The following PROS1 variants were observed in gnomAD, a reference collection of about 807,000 sequenced individuals.
The protein encoded by PROS1 is protein S, also known as vitamin K-dependent protein S.
In PROS1, 29 loss-of-function variants were observed where a neutral mutation model predicts 75.9. That is an observed-to-expected ratio of 0.38 (90% CI 0.28 to 0.52). PROS1 has a LOEUF of 0.52. Ranked by LOEUF, PROS1 falls within the 20% of genes least tolerant of loss-of-function variation. The pLI is 0.83. For missense variants in PROS1, 680 were observed against 810.3 expected (o/e 0.84, Z 1.95); for synonymous variants, 245 against 280.6 (o/e 0.87, Z 1.27).
chr3:93,930,562 A>G (rs557838963), intron 1 of PROS1, among the ~76,000 whole-genome samples: 24 of 152,278 alleles, frequency 1.6e-4, no homozygotes, highest in African/African-American at 5.8e-4. Context: ...TAGGAGTTTG[A>G]TAGTGATTTT....
intron 1 of PROS1, among the ~76,000 whole-genome samples, chr3:93,936,794 T>C (rs1377188300): frequency 6.6e-6 from 1 of 152,226 alleles, no homozygotes. Flanking sequence ...TACAAAGTGA[T>C]GCTTATGGTT....
intron 1 of PROS1, among the ~76,000 whole-genome samples, chr3:93,950,710 G>A (rs1709482402): frequency 6.6e-6 from 1 of 152,220 alleles, no homozygotes; most frequent in Non-Finnish European, 1.5e-5. Flanking sequence ...ACCAAAGGTA[G>A]ATAAAACCAC....
intron 4 of PROS1, among the ~76,000 whole-genome samples, chr3:93,906,977 GCCTGCAGGCACCC>G (rs1322794900): frequency 1.3e-5 from 2 of 152,226 alleles, no homozygotes; most frequent in Non-Finnish European, 2.9e-5. Flanking sequence ...CTCAGTGCTG[GCCTGCAGGCACCC>G]CCTTGGCACA....
intron 9 of PROS1, 127 bp downstream of exon 9, chr3:93,896,449 G>A (rs1213192315): frequency 1.3e-5 from 10 of 766,100 alleles, no homozygotes; most frequent in Non-Finnish European, 2.1e-5. Context: ...CAAGTCATCT[G>A]ATTGGTAATA....
intron 1 of PROS1, among the ~76,000 whole-genome samples, chr3:93,933,199 A>T (rs1709132202): frequency 1.3e-5 from 2 of 152,180 alleles, no homozygotes; most frequent in Admixed American, 1.3e-4. Context: ...TCACTTTACA[A>T]ATATAGAGAA....
At chr3:93,956,562 AAACACACACACACACACAC>A (rs1709606376) in intron 1 of PROS1, among the ~76,000 whole-genome samples, 3 of 94,348 alleles carry the variant, frequency 3.2e-5, no homozygotes, top group African/African-American at 9.9e-5. Context: ...ACACACACAC[AAACACACACACACACACAC>A]ACACACACGT....
chr3:93,947,627 C>T (rs1204147153), intron 1 of PROS1, among the ~76,000 whole-genome samples: 10 of 151,976 alleles, frequency 6.6e-5, no homozygotes, highest in Non-Finnish European at 1.2e-4. Context: ...AGTGCAGTGG[C>T]GTGATCTCGG....
intron 1 of PROS1, among the ~76,000 whole-genome samples, chr3:93,952,122 C>T (rs1032625698): frequency 5.3e-5 from 8 of 152,140 alleles, no homozygotes; most frequent in African/African-American, 1.2e-4. Flanking sequence ...GACTCCCACA[C>T]AATAATAATG....
intron 1 of PROS1, among the ~76,000 whole-genome samples, chr3:93,950,050 G>C (rs113509931): frequency 6.6e-6 from 1 of 152,132 alleles, no homozygotes; most frequent in South Asian, 2.1e-4. Flanking sequence ...CCCATGGCTC[G>C]GAGGGTCCCA....
intron 3 of PROS1, 129 bp from the exon 4 acceptor site, chr3:93,910,834 T>C: frequency 7.8e-6 from 6 of 771,252 alleles, no homozygotes; most frequent in Non-Finnish European, 9.0e-6. Context: ...GTCTTCAAAA[T>C]GCAACACTAA....
Position 93,884,938 on chromosome 3 carries a change from T to G in PROS1, c.1324-42A>C, listed in dbSNP as rs766852916. ...CAAGTCAAGGAGTGCATTTTAAACT[T>G]AAACAGTGGCTCGATTATGAGTATA... On this transcript the variant is annotated intron_variant, in intron 11 of 14. Transcript: ENST00000394236. 7.1e-6 allele frequency: 11 copies of G among 1,542,292 alleles called. No homozygotes were observed. In the South Asian group the frequency reaches 9.2e-5, roughly 13 times the overall value.
chr3:93,950,037 C>CCGCCCATGGCTCGGAGGGTCCCA (rs1709467484), intron 1 of PROS1, among the ~76,000 whole-genome samples: 1 of 152,208 alleles, frequency 6.6e-6, no homozygotes. Context: ...AGATTATATC[C>CCGCCCATGGCTCGGAGGGTCCCA]CGCCCATGGC....
At chr3:93,969,788 C>T (rs1288356364) in intron 1 of PROS1, among the ~76,000 whole-genome samples, 1 of 151,892 alleles carries the variant, frequency 6.6e-6, no homozygotes, top group Non-Finnish European at 1.5e-5. Flanking sequence ...TTCCTTTTTT[C>T]TTTCCTTTAG....
chr3:93,908,767 A>G (rs1424903987), intron 4 of PROS1, among the ~76,000 whole-genome samples: 4 of 152,254 alleles, frequency 2.6e-5, no homozygotes, highest in African/African-American at 7.2e-5. Context: ...TTGCCTTAAC[A>G]GAGCTTAAAA....
intron 4 of PROS1, among the ~76,000 whole-genome samples, chr3:93,909,283 A>G (rs1352480007): frequency 6.6e-6 from 1 of 152,000 alleles, no homozygotes; most frequent in Non-Finnish European, 1.5e-5. Flanking sequence ...TATAAAAAAT[A>G]AATTAGCCAG....
intron 10 of PROS1, among the ~76,000 whole-genome samples, chr3:93,887,075 C>A (rs929943135): frequency 2.6e-5 from 4 of 151,612 alleles, no homozygotes; most frequent in East Asian, 1.9e-4. Context: ...CCCGCCACTG[C>A]GCCCGGCTAA....
At chr3:93,924,730 A>G (rs1174657699) in intron 2 of PROS1, among the ~76,000 whole-genome samples, 2 of 149,202 alleles carry the variant, frequency 1.3e-5, no homozygotes, top group African/African-American at 5.0e-5. Context: ...TGGTATGACC[A>G]TGACTCACTG....
chr3:93,880,619 G>A (rs978639143), intron 12 of PROS1, among the ~76,000 whole-genome samples: 1 of 152,114 alleles, frequency 6.6e-6, no homozygotes, highest in Non-Finnish European at 1.5e-5. Flanking sequence ...TGCATACAAT[G>A]TGTAATGCTC....
intron 1 of PROS1, 116 bp from the exon 2 acceptor site, chr3:93,927,523 A>G: frequency 8.3e-7 from 1 of 1,198,068 alleles, no homozygotes; most frequent in Non-Finnish European, 1.2e-6. Context: ...GACATTTAAA[A>G]TCAGTATGAT....
Sources: allele counts gnomAD v4.1 joint callset (sites outside exome capture counted in the v4.1 genomes callset), GRCh38; gene constraint gnomAD v4.1.1; transcripts MANE v1.5; gene names NCBI Gene and HGNC (gene_info 2026-07-23, HGNC 2026-07-21).